BTRC: variants seen among roughly 807,000 people sequenced by gnomAD.
The protein encoded by BTRC is beta-transducin repeat containing E3 ubiquitin protein ligase, also known as F-box/WD repeat-containing protein 1A.
A neutral mutation model predicts 85.5 loss-of-function variants in BTRC; 42 were observed. The ratio of observed to expected loss-of-function variants is 0.49; its 90% CI spans 0.38 to 0.64. BTRC has a LOEUF of 0.64. Ranked by LOEUF, BTRC falls within the 30% of genes least tolerant of loss-of-function variation. The pLI is 0.00. For synonymous variants in BTRC, 255 were observed against 263.3 expected, an observed-to-expected ratio of 0.97 and a Z score of 0.30; for missense variants, 594 against 743.5, an observed-to-expected ratio of 0.80 and a Z score of 2.34.
intron 2 of BTRC, among the ~76,000 whole-genome samples, chr10:101,451,893 C>G (rs41300239): frequency 2.0e-5 from 3 of 152,052 alleles, no homozygotes; most frequent in Non-Finnish European, 4.4e-5. Flanking sequence ...CAGACACCAG[C>G]GAATAAAATC....
intron 4 of BTRC, 91 bp from the exon 5 acceptor site, chr10:101,521,548 C>T: frequency 1.1e-6 from 1 of 902,038 alleles, no homozygotes; most frequent in East Asian, 2.6e-5. Flanking sequence ...ATCATGTAGA[C>T]ATAATATAGC....
At chr10:101,371,851 A>C (rs1273333403) in intron 1 of BTRC, among the ~76,000 whole-genome samples, 1 of 151,212 alleles carries the variant, frequency 6.6e-6, no homozygotes, top group Non-Finnish European at 1.5e-5. Flanking sequence ...TTCTTTCTCC[A>C]TGCCAGACAG....
chr10:101,505,599 G>A (rs1446324814), intron 4 of BTRC, among the ~76,000 whole-genome samples: 4 of 149,286 alleles, frequency 2.7e-5, no homozygotes. Context: ...CAACCTGGGC[G>A]ACAGAGCGAG....
chr10:101,399,353 TA>T (rs1165854761), intron 1 of BTRC, among the ~76,000 whole-genome samples: 6 of 136,166 alleles, frequency 4.4e-5, no homozygotes, highest in African/African-American at 1.6e-4. Context: ...TTAGAATTTT[TA>T]AAAAGCTCAT....
At chr10:101,527,788 TC>T (rs1564827288) in intron 6 of BTRC, among the ~76,000 whole-genome samples, 1 of 123,922 alleles carries the variant, frequency 8.1e-6, no homozygotes. Flanking sequence ...TCTCTCTCTC[TC>T]TCACATACAC....
intron 2 of BTRC, among the ~76,000 whole-genome samples, chr10:101,442,235 A>C (rs1040387026): frequency 1.4e-5 from 2 of 140,052 alleles, no homozygotes; most frequent in Admixed American, 7.3e-5. Flanking sequence ...TCTTTTCTGG[A>C]GTTGCGACTG....
At chr10:101,411,408 A>C (rs1943774941) in intron 1 of BTRC, among the ~76,000 whole-genome samples, 1 of 152,158 alleles carries the variant, frequency 6.6e-6, no homozygotes, top group South Asian at 2.1e-4. Context: ...CCTGTTCTCT[A>C]ATTTTCTTTT....
At chr10:101,476,399 G>A (rs1945687880) in intron 3 of BTRC, among the ~76,000 whole-genome samples, 1 of 152,154 alleles carries the variant, frequency 6.6e-6, no homozygotes, top group African/African-American at 2.4e-5. Flanking sequence ...TTCGATAAAT[G>A]TTCTGTAATT....
intron 2 of BTRC, among the ~76,000 whole-genome samples, chr10:101,461,666 C>G (rs1945228769): frequency 6.6e-6 from 1 of 152,112 alleles, no homozygotes; most frequent in Non-Finnish European, 1.5e-5. Flanking sequence ...TAAGTGTGGG[C>G]TGGAACTTTC....
chr10:101,542,212 A>G (rs1435037372), intron 13 of BTRC, among the ~76,000 whole-genome samples: 1 of 151,942 alleles, frequency 6.6e-6, no homozygotes, highest in Non-Finnish European at 1.5e-5. Context: ...AAGTTATCAT[A>G]TTCCCTTATT....
intron 4 of BTRC, among the ~76,000 whole-genome samples, chr10:101,507,272 T>G (rs1946566985): frequency 3.3e-5 from 5 of 152,236 alleles, no homozygotes; most frequent in Admixed American, 3.3e-4. Context: ...GTTGATTTTT[T>G]GCTGCCTGCA....
At chr10:101,421,317 A>G (rs1944094134) in intron 1 of BTRC, among the ~76,000 whole-genome samples, 1 of 152,014 alleles carries the variant, frequency 6.6e-6, no homozygotes, top group Non-Finnish European at 1.5e-5. Flanking sequence ...CCCATTTCTT[A>G]ATGAGTGAAG....
intron 13 of BTRC, among the ~76,000 whole-genome samples, chr10:101,538,922 G>C (rs2062426965): frequency 6.6e-6 from 1 of 152,072 alleles, no homozygotes; most frequent in South Asian, 2.1e-4. Context: ...ATGGTGGCAG[G>C]TGCCTGTAAT....
In BTRC at chr10:101,411,377, T is replaced by C. The variant is rs140474195; in HGVS notation, c.49-18968T>C. On this transcript the variant is annotated intron_variant, in intron 1 of 14. Transcript: ENST00000370187. ...TTTGGAAATATGCATTTTCCAAATA[T>C]ATTTTCTGCTTCTGCCCATCCCTGT... 3.7e-3 allele frequency among the ~76,000 whole-genome samples: 557 copies of C among 152,344 alleles called. 1 individual carries two copies. Among genetic ancestry groups the C allele is most frequent in the Middle Eastern group, 6.8e-3 (2 of 294 alleles).
intron 1 of BTRC, among the ~76,000 whole-genome samples, chr10:101,382,372 G>GT (rs1283237028): frequency 6.6e-6 from 1 of 152,026 alleles, no homozygotes; most frequent in East Asian, 1.9e-4. Context: ...TTAATTTACA[G>GT]TAGTTCCCTA....
chr10:101,393,146 T>G (rs1215350332), intron 1 of BTRC, among the ~76,000 whole-genome samples: 1 of 152,118 alleles, frequency 6.6e-6, no homozygotes, highest in African/African-American at 2.4e-5. Flanking sequence ...TTGGAAAGCT[T>G]CTGGATAGCT....
rs1589440787 is a variant in BTRC at position 101,416,147 on chromosome 10, T to A, written c.49-14198T>A. ...GACTGGCTTATTTCACTCAGCATAA[T>A]GTCCTCAAGGTTCATCCATGTTGCA... On this transcript the variant is annotated intron_variant, in intron 1 of 14. Coordinates refer to ENST00000370187, the MANE Select transcript of BTRC (RefSeq NM_033637.4). Among the ~76,000 whole-genome samples, 5 of 152,316 alleles carry A rather than the reference T, an allele frequency of 3.3e-5. No homozygotes were observed. In the South Asian group the frequency reaches 1.0e-3, roughly 32 times the overall value.
At chr10:101,361,635 A>G (rs974305255) in intron 1 of BTRC, among the ~76,000 whole-genome samples, 10 of 152,218 alleles carry the variant, frequency 6.6e-5, no homozygotes, top group Non-Finnish European at 1.2e-4. Context: ...AGTGTTCCAC[A>G]ATATTTCTGC....
At chr10:101,433,822 G>A (rs1944459699) in intron 2 of BTRC, among the ~76,000 whole-genome samples, 1 of 152,122 alleles carries the variant, frequency 6.6e-6, no homozygotes, top group Non-Finnish European at 1.5e-5. Flanking sequence ...TTCAGTAGTT[G>A]AAGAGAGAGA....
Sources: allele counts gnomAD v4.1 joint callset (sites outside exome capture counted in the v4.1 genomes callset), GRCh38; gene constraint gnomAD v4.1.1; transcripts MANE v1.5; gene names NCBI Gene and HGNC (gene_info 2026-07-23, HGNC 2026-07-21).